Variants in PCSK5 observed in about 807,000 individuals in gnomAD.
PCSK5 encodes the protein prohormone convertase 5.
In PCSK5, 129 loss-of-function variants were observed where a neutral mutation model predicts 233.2. The ratio of observed to expected loss-of-function variants is 0.55; its 90% CI spans 0.48 to 0.64. The LOEUF (loss-of-function observed/expected upper bound fraction) is 0.64, where lower values mean the gene tolerates loss of function less well. Ranked by LOEUF, PCSK5 falls within the 30% of genes least tolerant of loss-of-function variation. The pLI, the probability that PCSK5 is intolerant of heterozygous loss-of-function variation, is 0.00. For missense variants in PCSK5, 2,076 were observed against 2,430.1 expected, an observed-to-expected ratio of 0.85 and a Z score of 3.06; for synonymous variants, 825 against 879.2, an observed-to-expected ratio of 0.94 and a Z score of 1.09.
intron 1 of PCSK5, among the ~76,000 whole-genome samples, chr9:75,913,249 T>A (rs1822828600): frequency 6.6e-6 from 1 of 152,208 alleles, no homozygotes; most frequent in African/African-American, 2.4e-5. Context: ...CTTGTCTCAG[T>A]CTTTTCTCTT....
intron 24 of PCSK5, among the ~76,000 whole-genome samples, chr9:76,274,690 G>C (rs1827632996): frequency 6.6e-6 from 1 of 152,124 alleles, no homozygotes; most frequent in Admixed American, 6.5e-5. Flanking sequence ...GTGATATCTA[G>C]CTTAGGGTTA....
chr9:75,894,009 C>G (rs1213221225), intron 1 of PCSK5, among the ~76,000 whole-genome samples: 1 of 152,150 alleles, frequency 6.6e-6, no homozygotes, highest in African/African-American at 2.4e-5. Flanking sequence ...CTTTAGACAT[C>G]CTTTTGTTAT....
chr9:76,090,171 T>A (rs1564019662), intron 7 of PCSK5, among the ~76,000 whole-genome samples: 1 of 152,218 alleles, frequency 6.6e-6, no homozygotes, highest in African/African-American at 2.4e-5. Flanking sequence ...TCCCACACTT[T>A]AGGAAAATAT....
intron 1 of PCSK5, among the ~76,000 whole-genome samples, chr9:75,911,944 T>C (rs1822756926): frequency 1.3e-5 from 2 of 152,164 alleles, no homozygotes; most frequent in Admixed American, 1.3e-4. Context: ...ATATATTTCA[T>C]CTCTTGATAG....
intron 24 of PCSK5, among the ~76,000 whole-genome samples, chr9:76,251,291 C>T (rs141381700): frequency 0.013 from 1,985 of 150,002 alleles, 42 homozygotes; most frequent in African/African-American, 0.046. Flanking sequence ...AGGCCAGGCG[C>T]GGTGGCTCAC....
chr9:76,348,706 ATAG>A (rs1285232070), intron 35 of PCSK5, among the ~76,000 whole-genome samples: 2 of 152,150 alleles, frequency 1.3e-5, no homozygotes, highest in African/African-American at 4.8e-5. Context: ...ATTGTTAATT[ATAG>A]TCACCATGAG....
At chr9:76,027,616 CG>C (rs1226792099) in intron 5 of PCSK5, among the ~76,000 whole-genome samples, 1 of 140,246 alleles carries the variant, frequency 7.1e-6, no homozygotes, top group Non-Finnish European at 1.5e-5. Context: ...TTATGCTTTC[CG>C]TTTACTACTG....
chr9:76,288,002 C>G (rs1378747761), intron 24 of PCSK5: 1 of 152,170 alleles, frequency 6.6e-6, no homozygotes, highest in Non-Finnish European at 1.5e-5. Context: ...TCCTCTAAGA[C>G]ATGTCTGATA....
chr9:76,040,221 G>GTACTCT (rs930020141), intron 5 of PCSK5, among the ~76,000 whole-genome samples: 1 of 152,028 alleles, frequency 6.6e-6, no homozygotes, highest in African/African-American at 2.4e-5. Context: ...CTCACTTCAT[G>GTACTCT]TACTCTAGGG....
At chr9:75,958,892 C>G (rs1354221976) in intron 2 of PCSK5, among the ~76,000 whole-genome samples, 1 of 152,208 alleles carries the variant, frequency 6.6e-6, no homozygotes, top group East Asian at 1.9e-4. Context: ...TACACATCCC[C>G]TGTGTCGCTT....
At chr9:76,114,725 AT>A (rs1194657202) in intron 9 of PCSK5, among the ~76,000 whole-genome samples, 2 of 152,154 alleles carry the variant, frequency 1.3e-5, no homozygotes, top group Admixed American at 1.3e-4. Flanking sequence ...CACTAAAAAC[AT>A]TTTATTCTTA....
chr9:75,974,776 A>G (rs1475087369), intron 2 of PCSK5, among the ~76,000 whole-genome samples: 1 of 152,172 alleles, frequency 6.6e-6, no homozygotes, highest in Non-Finnish European at 1.5e-5. Flanking sequence ...CTCCTCACCA[A>G]CAACTTCATG....
rs192291008 is a variant in PCSK5 at position 76,355,289 on chromosome 9, A to G, written c.5254+1070A>G. The stretch of plus-strand genomic sequence containing the variant: ...AGATCGAGAACGTCCTGGCTAACAT[A>G]GTGAAACCCTGTCTCTACTAAAAAT... On this transcript the variant is annotated intron_variant, in intron 37 of 37. Transcript: ENST00000674117. Among the ~76,000 whole-genome samples, 458 of 152,220 alleles carry G rather than the reference A, an allele frequency of 3.0e-3. 5 individuals are homozygous for G. The highest frequency in any genetic ancestry group is 5.0e-3 in the Admixed American group (77 of 15,296).
intron 30 of PCSK5, among the ~76,000 whole-genome samples, chr9:76,316,740 CAAAAAAAAAAAAAAA>C (rs58485029): frequency 3.1e-5 from 2 of 64,602 alleles, no homozygotes; most frequent in Admixed American, 4.4e-4. Context: ...CTTGTCTCAC[CAAAAAAAAAAAAAAA>C]AAAAAAAAAA....
chr9:75,913,389 A>G (rs771465220), intron 1 of PCSK5, among the ~76,000 whole-genome samples: 28 of 152,212 alleles, frequency 1.8e-4, no homozygotes, highest in Non-Finnish European at 4.1e-4. Flanking sequence ...TTACATAGCC[A>G]CACATATATG....
chr9:76,344,876 G>A (rs966719127), intron 35 of PCSK5, among the ~76,000 whole-genome samples: 3 of 152,136 alleles, frequency 2.0e-5, no homozygotes, highest in East Asian at 1.9e-4. Context: ...GTCTCTTACC[G>A]TCAACCAATC....
In PCSK5 at chr9:76,132,495, G is replaced by A. The variant is rs144941339; in HGVS notation, c.1209-1614G>A. Reference sequence around the variant, plus strand: ...AGTAGTCTAGATCCAGTCTTAACCCGCTCTGGAAACTTTAAAAAATGGCAG... The same window carrying A: ...AGTAGTCTAGATCCAGTCTTAACCCACTCTGGAAACTTTAAAAAATGGCAG... On this transcript the variant is annotated intron_variant, in intron 9 of 37. Coordinates refer to ENST00000674117, the MANE Select transcript of PCSK5 (RefSeq NM_001372043.1). Among the ~76,000 whole-genome samples, 1,461 of 151,934 alleles carry A rather than the reference G, an allele frequency of 9.6e-3. 29 individuals are homozygous for A. The highest frequency in any genetic ancestry group is 0.034 in the African/African-American group (1,393 of 41,428).
intron 3 of PCSK5, among the ~76,000 whole-genome samples, chr9:76,001,468 CTTTT>C (rs34379742): frequency 9.2e-5 from 8 of 87,150 alleles, no homozygotes; most frequent in South Asian, 4.5e-4. Flanking sequence ...ACCATCATAG[CTTTT>C]TTTTTTTTTT....
At chr9:76,015,717 A>G (rs903957970) in intron 3 of PCSK5, among the ~76,000 whole-genome samples, 7 of 152,200 alleles carry the variant, frequency 4.6e-5, no homozygotes, top group African/African-American at 1.4e-4. Flanking sequence ...TTTCTTCCCC[A>G]GTTATACAGC....
Sources: allele counts gnomAD v4.1 joint callset (sites outside exome capture counted in the v4.1 genomes callset), GRCh38; gene constraint gnomAD v4.1.1; transcripts MANE v1.5; gene names NCBI Gene and HGNC (gene_info 2026-07-23, HGNC 2026-07-21).